Variants in CD2AP observed in about 807,000 individuals in gnomAD.
CD2AP encodes CD2 associated protein.
CD2AP carries 46 observed loss-of-function variants against 85.1 expected under a neutral mutation model. The ratio of observed to expected loss-of-function variants is 0.54; its 90% CI spans 0.43 to 0.69. The LOEUF (loss-of-function observed/expected upper bound fraction) is 0.69. Among genes scored for constraint, CD2AP ranks in the 30% least tolerant of loss-of-function variants. CD2AP has a pLI of 0.00. For synonymous variants in CD2AP, 255 were observed against 252.9 expected (o/e 1.01, Z -0.08); for missense variants, 769 against 729.5 (o/e 1.05, Z -0.62).
Position 47,524,423 on chromosome 6 carries a change from G to A in CD2AP, c.166-9179G>A, listed in dbSNP as rs77996323. On this transcript the variant is annotated intron_variant, in intron 2 of 17. Transcript: ENST00000359314. ...GTTAGAAGAAATTGTAAACACATTA[G>A]CCCTCATTTTCTTGCAGTTCTTATT... is the stretch of plus-strand genomic sequence containing the variant. 3.7e-3 allele frequency among the ~76,000 whole-genome samples: 565 copies of A among 152,234 alleles called. 6 individuals carry two copies. Among genetic ancestry groups the A allele is most frequent in the South Asian group, 0.021 (102 of 4,828 alleles).
At chr6:47,481,538 G>T (rs1420283568) in intron 1 of CD2AP, among the ~76,000 whole-genome samples, 1 of 152,022 alleles carries the variant, frequency 6.6e-6, no homozygotes, top group East Asian at 1.9e-4. Context: ...TAGAGACAGG[G>T]TTTCACCATG....
intron 11 of CD2AP, among the ~76,000 whole-genome samples, chr6:47,592,531 A>AT (rs1372340334): frequency 6.6e-6 from 1 of 152,216 alleles, no homozygotes; most frequent in African/African-American, 2.4e-5. Context: ...AACCCTTGAA[A>AT]TTTCCTGAGT....
chr6:47,501,684 ATTTTC>A (rs1432689637), intron 1 of CD2AP, among the ~76,000 whole-genome samples: 1 of 147,422 alleles, frequency 6.8e-6, no homozygotes, highest in African/African-American at 2.5e-5. Flanking sequence ...GTGTGTGTGT[ATTTTC>A]TTTTTAGTCA....
At chr6:47,572,446 T>TTCTCCACTTCAGTCAG (rs1384188546) in intron 5 of CD2AP, among the ~76,000 whole-genome samples, 235 of 152,374 alleles carry the variant, frequency 1.5e-3, no homozygotes, top group African/African-American at 5.5e-3. Flanking sequence ...CAAAACTGTC[T>TTCTCCACTTCAGTCAG]TCTCCACTTC....
In CD2AP at chr6:47,591,702, G is replaced by T. The variant is rs180775705; in HGVS notation, c.1109-4159G>T. 2.0e-5 allele frequency among the ~76,000 whole-genome samples: 3 copies of T among 152,134 alleles called. No homozygotes were observed. In the East Asian group the frequency reaches 5.8e-4, roughly 29 times the overall value. On this transcript the variant is annotated intron_variant, in intron 11 of 17. Coordinates refer to ENST00000359314, the MANE Select transcript of CD2AP (RefSeq NM_012120.3). ...GGTTAACTTATTACGTACAGTGTTG[G>T]TAATGTATTGCTATATTCTGAAGCA...
chr6:47,486,439 T>A (rs556320928), intron 1 of CD2AP, among the ~76,000 whole-genome samples: 7 of 151,876 alleles, frequency 4.6e-5, no homozygotes, highest in African/African-American at 1.7e-4. Flanking sequence ...AGAGAGAGAG[T>A]ATAGGGTCAG....
chr6:47,530,226 T>C (rs1215969619), intron 2 of CD2AP, among the ~76,000 whole-genome samples: 6 of 152,232 alleles, frequency 3.9e-5, no homozygotes, highest in African/African-American at 1.4e-4. Flanking sequence ...ATAATTTATG[T>C]ACAATAAATG....
intron 11 of CD2AP, among the ~76,000 whole-genome samples, chr6:47,592,658 T>A (rs1768834079): frequency 6.6e-6 from 1 of 152,102 alleles, no homozygotes; most frequent in South Asian, 2.1e-4. Flanking sequence ...GGGGCCTTGT[T>A]GCCAGGGGAA....
At chr6:47,523,639 CTT>C (rs1766650640) in intron 2 of CD2AP, among the ~76,000 whole-genome samples, 1 of 152,026 alleles carries the variant, frequency 6.6e-6, no homozygotes, top group African/African-American at 2.4e-5. Flanking sequence ...CATTCTGTGA[CTT>C]GAGTTATTTT....
At chr6:47,491,401 CT>C (rs1765731268) in intron 1 of CD2AP, among the ~76,000 whole-genome samples, 1 of 151,522 alleles carries the variant, frequency 6.6e-6, no homozygotes, top group Non-Finnish European at 1.5e-5. Context: ...TTATCTTATA[CT>C]GAAATATATT....
chr6:47,555,936 T>C (rs1170750386), intron 5 of CD2AP, among the ~76,000 whole-genome samples: 3 of 152,126 alleles, frequency 2.0e-5, no homozygotes, highest in Non-Finnish European at 4.4e-5. Context: ...TTCAGTGTCT[T>C]ACATATGGAA....
intron 2 of CD2AP, among the ~76,000 whole-genome samples, chr6:47,517,754 T>C (rs1296828066): frequency 1.3e-5 from 2 of 152,206 alleles, no homozygotes; most frequent in Admixed American, 6.5e-5. Context: ...ATTTAGACTT[T>C]GGAGCCTGGC....
intron 1 of CD2AP, among the ~76,000 whole-genome samples, chr6:47,486,859 A>G (rs1369292437): frequency 6.6e-6 from 1 of 152,206 alleles, no homozygotes; most frequent in Admixed American, 6.5e-5. Flanking sequence ...CATATACTGT[A>G]TTTGTAAAAT....
chr6:47,559,732 C>T (rs1188418461), intron 5 of CD2AP, among the ~76,000 whole-genome samples: 1 of 152,118 alleles, frequency 6.6e-6, no homozygotes, highest in Non-Finnish European at 1.5e-5. Flanking sequence ...CTTTTGTCTT[C>T]ATCCATAATT....
At chr6:47,482,518 A>G (rs1765471157) in intron 1 of CD2AP, among the ~76,000 whole-genome samples, 1 of 151,828 alleles carries the variant, frequency 6.6e-6, no homozygotes, top group African/African-American at 2.4e-5. Context: ...AGCTGGGACT[A>G]CAGGCACGTG....
intron 2 of CD2AP, among the ~76,000 whole-genome samples, chr6:47,505,941 C>T (rs1437144688): frequency 3.1e-5 from 3 of 96,692 alleles, no homozygotes; most frequent in African/African-American, 8.1e-5. Flanking sequence ...GGCTGCCGGG[C>T]GGAGACGCTC....
At chr6:47,503,495 A>G in intron 2 of CD2AP, 55 bp downstream of exon 2, 1 of 1,386,296 alleles carries the variant, frequency 7.2e-7, no homozygotes, top group Non-Finnish European at 1.0e-6. Flanking sequence ...TAATCTTTAA[A>G]TGTTAAGAAA....
intron 17 of CD2AP, among the ~76,000 whole-genome samples, chr6:47,613,854 C>T (rs1462034186): frequency 6.6e-6 from 1 of 152,186 alleles, no homozygotes; most frequent in Non-Finnish European, 1.5e-5. Flanking sequence ...GTAGCCAACT[C>T]CCGTCTTAGC....
intron 7 of CD2AP, 38 bp downstream of exon 7, chr6:47,576,640 A>G (rs758743814): frequency 1.5e-5 from 20 of 1,346,792 alleles, no homozygotes; most frequent in East Asian, 2.3e-5. Context: ...TGGGAATAGT[A>G]GAAACATACT....
Sources: allele counts gnomAD v4.1 joint callset (sites outside exome capture counted in the v4.1 genomes callset), GRCh38; gene constraint gnomAD v4.1.1; transcripts MANE v1.5; gene names NCBI Gene and HGNC (gene_info 2026-07-23, HGNC 2026-07-21).